The following EFTUD2 variants were observed in gnomAD, a reference collection of about 807,000 sequenced individuals.
EFTUD2 encodes elongation factor Tu GTP binding domain containing 2, also known as 116 kDa U5 small nuclear ribonucleoprotein component.
EFTUD2 carries 9 observed loss-of-function variants against 114.3 expected under a neutral mutation model. That is an observed-to-expected ratio of 0.08 (90% CI 0.05 to 0.14). The LOEUF is 0.14. Ranked by LOEUF, EFTUD2 falls within the 10% of genes least tolerant of loss-of-function variation. The pLI is 1.00. For missense variants in EFTUD2, 765 were observed against 1,241.2 expected (o/e 0.62, Z 5.76); for synonymous variants, 449 against 462.3 (o/e 0.97, Z 0.37).
rs11650246 is a variant in EFTUD2 at position 44,898,970 on chromosome 17, C to T, written c.-5+399G>A. ...ACACAAAACTAGCGACTCATGGTAA[C>T]AAACCTCACTGCCGCTTCCCGCTAC... is the stretch of plus-strand genomic sequence containing the variant. On this transcript the variant is annotated intron_variant, in intron 1 of 27. Transcript: ENST00000426333. The T allele has an allele frequency of 0.02, 3,118 of 152,336 alleles. 53 individuals carry two copies. The highest frequency in any genetic ancestry group is 0.029 in the Non-Finnish European group (1,971 of 68,042). 9.4% of individuals were successfully genotyped at this position (152,336 alleles called of 1,614,324 possible). A position where few individuals can be genotyped will look rare whatever the true frequency, so the allele number is the denominator to read the frequency against.
At chr17:44,895,033 A>C (rs1159386878) in intron 1 of EFTUD2, among the ~76,000 whole-genome samples, 1 of 152,264 alleles carries the variant, frequency 6.6e-6, no homozygotes, top group Non-Finnish European at 1.5e-5. Flanking sequence ...GGGTGGGCAA[A>C]CTCTGGCCTG....
chr17:44,886,832 A>T (rs2051183842), intron 2 of EFTUD2, 82 bp from the exon 3 acceptor site: 1 of 1,524,728 alleles, frequency 6.6e-7, no homozygotes, highest in Admixed American at 2.0e-5. Context: ...GAGTGACAGC[A>T]CTGACTGTAC....
intron 2 of EFTUD2, chr17:44,894,191 T>G: frequency 2.2e-6 from 1 of 454,786 alleles, no homozygotes; most frequent in South Asian, 2.6e-5. Context: ...GCCTGGGCAA[T>G]GTTTCATCTC....
Position 44,853,550 on chromosome 17 carries a change from T to A in EFTUD2, c.2433A>T (p.Thr811=), listed in dbSNP as rs1245397739. The A allele has an allele frequency of 6.2e-7, 1 of 1,614,170 alleles. No individual in the cohort carries two copies. ...LHRGGGQIIP[T]ARRVVYSAFL... Reference sequence around the variant, plus strand: ...AGGCAGAGTAGACGACTCTCCTGGCTGTGGGGATGATCTGGCCCCCGCCCC... The same window carrying A: ...AGGCAGAGTAGACGACTCTCCTGGCAGTGGGGATGATCTGGCCCCCGCCCC... Residue 811 remains threonine (T), a synonymous_variant, in exon 24 of 28, where the codon ACA becomes ACT. Transcript: ENST00000426333.
chr17:44,879,448 G>T, intron 9 of EFTUD2, 108 bp downstream of exon 9: 1 of 1,088,840 alleles, frequency 9.2e-7, no homozygotes. Context: ...TAATCCCAGA[G>T]AGTTTCAAGT....
intron 25 of EFTUD2, 137 bp from the exon 26 acceptor site, chr17:44,852,699 C>T (rs1427606020): frequency 6.1e-6 from 7 of 1,154,358 alleles, no homozygotes; most frequent in African/African-American, 1.5e-5. Context: ...GAATGTTCTA[C>T]AAAAAGCAGA....
chr17:44,856,303 C>T (rs1056167006), intron 20 of EFTUD2, among the ~76,000 whole-genome samples: 6 of 146,506 alleles, frequency 4.1e-5, no homozygotes, highest in Non-Finnish European at 6.0e-5. Flanking sequence ...CCGAGGCGGG[C>T]GGACTGCCTG....
chr17:44,873,252 G>C (rs1469750711), intron 10 of EFTUD2: 1 of 152,166 alleles, frequency 6.6e-6, no homozygotes, highest in East Asian at 1.9e-4. Flanking sequence ...CTACCCCCAA[G>C]TTATGCTCCC....
chr17:44,885,848 C>T lies in EFTUD2; in HGVS notation c.272-514G>A, dbSNP rs560252476. Among the ~76,000 whole-genome samples, 6 of 152,022 alleles carry T rather than the reference C, an allele frequency of 3.9e-5. No homozygotes were observed. The East Asian group carries it at 5.9e-4, about 15-fold the overall frequency. ...TTCACCATGTTGCCCAGGTTGGTCT[C>T]GAACTGCTGGGTTCAAGCGATCCTC... On this transcript the variant is annotated intron_variant, in intron 3 of 27. Coordinates refer to ENST00000426333, the MANE Select transcript of EFTUD2 (RefSeq NM_004247.4).
chr17:44,897,977 T>C (rs982170415), intron 1 of EFTUD2, among the ~76,000 whole-genome samples: 6 of 152,208 alleles, frequency 3.9e-5, no homozygotes, highest in African/African-American at 1.4e-4. Flanking sequence ...GAATGGGATG[T>C]TTAATTTTAA....
At position 44,859,146 on chromosome 17, in the gene EFTUD2, A is replaced by G. The variant is rs1428108056; in HGVS notation, c.1896T>C (p.Thr632=). Residue 632 remains threonine, a synonymous_variant, in exon 19 of 28, where the codon ACT becomes ACC. Transcript: ENST00000426333. The stretch of plus-strand genomic sequence containing the variant: ...TCACACAGTCCAGGTAGAGCTCCCC[A>G]GTGCCCAGGATCACATGCTCGCCAG... ...EESGEHVILG[T]GELYLDCVMH... The G allele has an allele frequency of 6.2e-7, 1 of 1,613,986 alleles. No individual in the cohort carries two copies. The highest frequency in any genetic ancestry group is 1.3e-5 in the African/African-American group (1 of 74,920).
At chr17:44,856,770 AAAC>A (rs1425816991) in intron 20 of EFTUD2, among the ~76,000 whole-genome samples, 22 of 151,876 alleles carry the variant, frequency 1.4e-4, no homozygotes, top group African/African-American at 5.1e-4. Context: ...AAAAAAAAAA[AAAC>A]AAAAAAACAA....
At chr17:44,853,815 A>C in intron 23 of EFTUD2, 180 bp from the exon 24 acceptor site, 1 of 1,435,644 alleles carries the variant, frequency 7.0e-7, no homozygotes, top group Non-Finnish European at 9.1e-7. Context: ...AGAGGTCAGA[A>C]GTTAAGCATA....
At position 44,850,366 on chromosome 17, in the gene EFTUD2, G is replaced by A. The variant is rs2050422815; in HGVS notation, c.*908C>T. On this transcript the variant is annotated 3_prime_UTR_variant, in exon 28 of 28. Coordinates refer to ENST00000426333, the MANE Select transcript of EFTUD2 (RefSeq NM_004247.4). ...ACACAATGTACAGCGATTACGTCAA[G>A]AGGATGGCACAGGATGCTGGAGAGA... The A allele has an allele frequency of 6.2e-7, 1 of 1,613,502 alleles. No homozygotes were observed. The highest frequency in any genetic ancestry group is 8.5e-7 in the Non-Finnish European group (1 of 1,179,638).
intron 4 of EFTUD2, chr17:44,884,334 CATGGTGA>C (rs2051126229): frequency 6.6e-6 from 1 of 152,086 alleles, no homozygotes; most frequent in Admixed American, 6.5e-5. Context: ...GGACTTCCAA[CATGGTGA>C]AACCCCATCT....
intron 3 of EFTUD2, among the ~76,000 whole-genome samples, chr17:44,885,949 C>T (rs1220324606): frequency 1.3e-5 from 2 of 151,876 alleles, no homozygotes; most frequent in African/African-American, 4.8e-5. Flanking sequence ...ATTAAATGGA[C>T]AATAAGGCTG....
intron 9 of EFTUD2, among the ~76,000 whole-genome samples, chr17:44,876,648 C>G (rs528835612): frequency 1.3e-5 from 2 of 151,696 alleles, no homozygotes; most frequent in Non-Finnish European, 1.5e-5. Flanking sequence ...GTCAGGAGAT[C>G]GAGACCATCC....
intron 18 of EFTUD2, chr17:44,859,639 A>AGG (rs2050619350): frequency 1.8e-6 from 1 of 543,958 alleles, no homozygotes; most frequent in African/African-American, 2.2e-5. Flanking sequence ...GAACACAAAT[A>AGG]CGCACACACA....
At position 44,872,477 on chromosome 17, in the gene EFTUD2, G is replaced by A. The variant is rs937811904; in HGVS notation, c.963C>T (p.Gly321=). The change falls in exon 11 of 28, where the codon GGC becomes GGT. Residue 321 remains glycine (G), a synonymous_variant. Transcript: ENST00000426333. ...TGTCGGCATAGATCTTGGCAAAGGAGCCCAGCGTGAAGCAGATGCTGTACT... is the reference window on the plus strand; with the variant it reads ...TGTCGGCATAGATCTTGGCAAAGGAACCCAGCGTGAAGCAGATGCTGTACT... ...SSQYSICFTL[G]SFAKIYADTF... 4 of 1,613,402 alleles carry A rather than the reference G, an allele frequency of 2.5e-6. No individual in the cohort carries two copies. The Admixed American group carries it at 5.0e-5, about 20-fold the overall frequency.
Sources: gnomAD v4.1 joint callset for allele counts (sites outside exome capture counted in the v4.1 genomes callset) on GRCh38, gnomAD v4.1.1 for gene constraint, MANE v1.5 for transcripts, NCBI Gene and HGNC (gene_info 2026-07-23, HGNC 2026-07-21) for gene names.